The following HERC5 variants were observed in gnomAD, a reference collection of about 807,000 sequenced individuals.
The protein encoded by HERC5 is E3 ISG15--protein ligase HERC5.
HERC5 carries 99 observed loss-of-function variants against 119.6 expected under a neutral mutation model. The ratio of observed to expected loss-of-function variants is 0.83; its 90% CI spans 0.70 to 0.98. The LOEUF (loss-of-function observed/expected upper bound fraction) is 0.98, where lower values mean the gene tolerates loss of function less well. Among genes scored for constraint, HERC5 ranks in the 50% least tolerant of loss-of-function variants. The probability of loss-of-function intolerance (pLI) is 0.00; values close to 1 mark genes in which losing one functional copy is unlikely to be tolerated. For synonymous variants in HERC5, 478 were observed against 445.9 expected, an observed-to-expected ratio of 1.07 and a Z score of -0.91; for missense variants, 1,267 against 1,241.3, an observed-to-expected ratio of 1.02 and a Z score of -0.31.
chr4:88,468,455 G>A, intron 8 of HERC5, 33 bp downstream of exon 8: 1 of 1,439,866 alleles, frequency 6.9e-7, no homozygotes, highest in East Asian at 2.3e-5. Flanking sequence ...TCTATAACCT[G>A]GTATTTTAAG....
intron 10 of HERC5, among the ~76,000 whole-genome samples, chr4:88,471,408 T>G (rs1407460176): frequency 6.6e-6 from 1 of 151,980 alleles, no homozygotes; most frequent in African/African-American, 2.4e-5. Context: ...ATCTTGGTTC[T>G]TGGGCTCAAG....
In HERC5 at chr4:88,500,113, T is replaced by C. The variant is rs1417015932; in HGVS notation, c.2511+121T>C. On this transcript the variant is annotated intron_variant, in intron 19 of 22. Transcript: ENST00000264350. ...CCTGAATAAATTAGTGAAAAAGGTA[T>C]TGTTCTTCATCATGATCTAGGTGCA... 3.4e-5 allele frequency: 22 copies of C among 651,414 alleles called. No individual in the cohort carries two copies. In the Admixed American group the frequency reaches 4.9e-4, roughly 14 times the overall value. The allele number at this position is 651,414 out of a possible 1,614,324, so 40.4% of individuals were successfully genotyped here. A position where few individuals can be genotyped will look rare whatever the true frequency, so the allele number is the denominator to read the frequency against.
intron 15 of HERC5, among the ~76,000 whole-genome samples, chr4:88,487,921 A>G (rs1386415255): frequency 1.3e-5 from 2 of 152,216 alleles, no homozygotes; most frequent in Non-Finnish European, 2.9e-5. Flanking sequence ...AGGGTTGGGT[A>G]TTATTATCAC....
intron 13 of HERC5, among the ~76,000 whole-genome samples, chr4:88,482,072 GA>G (rs1741296049): frequency 6.6e-6 from 1 of 152,128 alleles, no homozygotes; most frequent in African/African-American, 2.4e-5. Context: ...ACTTTGCTCG[GA>G]GGCTGAGGCG....
chr4:88,496,794 ACTT>A (rs1213732473), intron 18 of HERC5, among the ~76,000 whole-genome samples: 3 of 152,228 alleles, frequency 2.0e-5, no homozygotes, highest in African/African-American at 7.2e-5. Context: ...AGATTAAAGA[ACTT>A]CTTTCTTCAT....
intron 18 of HERC5, 102 bp from the exon 19 acceptor site, chr4:88,499,824 C>G: frequency 2.5e-6 from 2 of 794,458 alleles, no homozygotes; most frequent in Non-Finnish European, 2.2e-6. Context: ...TATACCTGAC[C>G]TCATACCTTC....
At chr4:88,490,301 C>T (rs995905147) in intron 16 of HERC5, among the ~76,000 whole-genome samples, 9 of 152,250 alleles carry the variant, frequency 5.9e-5, no homozygotes, top group African/African-American at 1.9e-4. Context: ...GTTTTTCCCT[C>T]ATTTTACAGA....
intron 12 of HERC5, among the ~76,000 whole-genome samples, chr4:88,477,515 AAGGAAG>A (rs1175746410): frequency 1.1e-5 from 1 of 87,622 alleles, no homozygotes; most frequent in Non-Finnish European, 2.3e-5. Flanking sequence ...AGGGAACGGA[AAGGAAG>A]GGGGAGGGGG....
chr4:88,472,601 C>T lies in HERC5; in HGVS notation c.1392+99C>T, dbSNP rs1263388884. ...AAATGTTTTGTGTTAAGGGATTCTC[C>T]GAGACCTTGTAGCATATTCAGATTA... On this transcript the variant is annotated intron_variant, in intron 11 of 22. Coordinates refer to ENST00000264350, the MANE Select transcript of HERC5 (RefSeq NM_016323.4). 29 of 772,428 alleles carry T rather than the reference C, an allele frequency of 3.8e-5. 1 individual carries two copies. Among genetic ancestry groups the T allele is most frequent in the South Asian group, 2.0e-4 (13 of 65,030 alleles). The allele number at this position is 772,428 out of a possible 1,614,324, so 47.8% of individuals were successfully genotyped here.
rs989916152 is a variant in HERC5 at position 88,463,956 on chromosome 4, G to A, written c.882G>A (p.Gly294=). The A allele has an allele frequency of 4.3e-6, 7 of 1,613,700 alleles. No individual in the cohort carries two copies. The highest frequency in any genetic ancestry group is 5.9e-6 in the Non-Finnish European group (7 of 1,179,930). Reference sequence around the variant, plus strand: ...CCTGTTTGGTGGCTGAGCTTGTTGGGTATAGAGTGACTCAGATAGCATGTG... The same window carrying A: ...CCTGTTTGGTGGCTGAGCTTGTTGGATATAGAGTGACTCAGATAGCATGTG... ...LRPCLVAELV[G]YRVTQIACGR... is the part of the protein sequence containing the mutation. The change falls in exon 6 of 23, where the codon GGG becomes GGA. Residue 294 remains glycine (G), a synonymous_variant. Transcript: ENST00000264350.
intron 1 of HERC5, among the ~76,000 whole-genome samples, chr4:88,459,105 A>G (rs918600041): frequency 2.0e-5 from 3 of 152,198 alleles, no homozygotes; most frequent in Non-Finnish European, 4.4e-5. Flanking sequence ...TTTTAAGGGT[A>G]TGTTCCATTT....
At chr4:88,462,943 G>A (rs1211676275) in intron 4 of HERC5, among the ~76,000 whole-genome samples, 8 of 152,124 alleles carry the variant, frequency 5.3e-5, no homozygotes, top group Non-Finnish European at 1.0e-4. Flanking sequence ...AAATTCTGCT[G>A]CTTTACCCAG....
At chr4:88,479,610 A>G (rs908870880) in intron 13 of HERC5, 103 bp downstream of exon 13, 7 of 830,872 alleles carry the variant, frequency 8.4e-6, no homozygotes, top group African/African-American at 1.8e-5. Flanking sequence ...AGACATACGA[A>G]GTTTATATTG....
intron 5 of HERC5, 59 bp downstream of exon 5, chr4:88,463,682 G>A (rs1740533327): frequency 6.8e-7 from 1 of 1,479,648 alleles, no homozygotes; most frequent in Non-Finnish European, 9.4e-7. Context: ...TGTATGGGAA[G>A]TTAGTGTTTC....
At chr4:88,462,788 C>T (rs1410210698) in intron 4 of HERC5, among the ~76,000 whole-genome samples, 1 of 152,210 alleles carries the variant, frequency 6.6e-6, no homozygotes, top group Non-Finnish European at 1.5e-5. Flanking sequence ...TATTTAAGAA[C>T]TCACATATCC....
In HERC5 at chr4:88,487,143, TAAA is replaced by T; in HGVS notation, c.1927_1929del (p.Lys643del). ...TTATCTTTAATAATCTGTCGAAAAT[TAAA>T]CTACTACATACAGACACACTTTTAA... On this transcript the variant is annotated inframe_deletion, in exon 15 of 23. Transcript: ENST00000264350. 6.2e-7 allele frequency: 1 copy of T among 1,600,472 alleles called. No individual in the cohort carries two copies. The highest frequency in any genetic ancestry group is 8.6e-7 in the Non-Finnish European group (1 of 1,168,234).
Position 88,463,904 on chromosome 4 carries a change from A to G in HERC5, c.830A>G (p.His277Arg). 2.5e-6 allele frequency: 4 copies of G among 1,614,084 alleles called. No homozygotes were observed. Among genetic ancestry groups the G allele is most frequent in the Non-Finnish European group, 2.5e-6 (3 of 1,180,000 alleles). The change falls in exon 6 of 23, where the codon CAT (histidine) becomes CGT (arginine). Residue 277 changes from histidine (H) to arginine (R), a missense_variant. His to Arg is a conservative substitution (Grantham distance 29). Around this residue, in one of 3 missense-constraint regions of HERC5, gnomAD observed 777 missense variants for 758.0 expected, o/e 1.03. Transcript: ENST00000264350. ...GCTGGAAAACATGGGCAACTTGGTC[A>G]TAATTCAACACAGAATGAGCTAAGA... ...FGAGKHGQLG[H>R]NSTQNELRPC...
At chr4:88,468,063 C>T in intron 7 of HERC5, 1 of 213,504 alleles carries the variant, frequency 4.7e-6, no homozygotes, top group Non-Finnish European at 8.8e-6. Flanking sequence ...AAACTGATAA[C>T]ATTTAGCTAA....
intron 6 of HERC5, among the ~76,000 whole-genome samples, chr4:88,465,115 G>T (rs901264533): frequency 1.3e-5 from 2 of 152,028 alleles, no homozygotes; most frequent in Non-Finnish European, 2.9e-5. Context: ...GGGTTTCACC[G>T]TGTTGGCCAG....
Sources: allele counts gnomAD v4.1 joint callset (sites outside exome capture counted in the v4.1 genomes callset), GRCh38; gene constraint gnomAD v4.1.1; regional missense constraint gnomAD v4.1.1; transcripts MANE v1.5; gene names NCBI Gene and HGNC (gene_info 2026-07-23, HGNC 2026-07-21).